PARG: variants seen among roughly 807,000 people sequenced by gnomAD.
PARG encodes the protein mitochondrial poly(ADP-ribose) glycohydrolase.
Under a neutral mutation model 113.0 loss-of-function variants are expected in PARG, and 35 were observed. The ratio of observed to expected loss-of-function variants is 0.31; its 90% CI spans 0.24 to 0.41. The LOEUF (loss-of-function observed/expected upper bound fraction) is 0.41. Ranked by LOEUF, PARG falls within the 10% of genes least tolerant of loss-of-function variation. PARG has a pLI of 1.00. For synonymous variants in PARG, 330 were observed against 409.9 expected (o/e 0.81, Z 2.36); for missense variants, 797 against 1,169.4 (o/e 0.68, Z 4.64).
chr10:49,903,537 A>G (rs1391696493), intron 7 of PARG, among the ~76,000 whole-genome samples: 1 of 152,048 alleles, frequency 6.6e-6, no homozygotes, highest in Non-Finnish European at 1.5e-5. Context: ...CCCTGGAAAA[A>G]TTGGGCCTCA....
chr10:49,917,315 C>T lies in PARG; in HGVS notation c.1663-1324G>A, dbSNP rs138927846. On this transcript the variant is annotated intron_variant, in intron 6 of 17. Transcript: ENST00000616448. ...ACCATCCTGGCCAACATGGTGAAAC[C>T]ATGTCTCTAATAAAAATACAAAAAT... Among the ~76,000 whole-genome samples the T allele has an allele frequency of 1.5e-3, 233 of 151,826 alleles. 7 individuals carry two copies. In the East Asian group the frequency reaches 0.042, roughly 27 times the overall value.
chr10:49,856,471 C>T (rs1845994263), intron 13 of PARG, among the ~76,000 whole-genome samples: 5 of 152,306 alleles, frequency 3.3e-5, no homozygotes, highest in South Asian at 4.1e-4. Context: ...TGAACTATCG[C>T]GCCTGGCCAT....
intron 13 of PARG, among the ~76,000 whole-genome samples, chr10:49,845,024 G>T (rs1845439963): frequency 6.6e-6 from 1 of 151,992 alleles, no homozygotes; most frequent in Non-Finnish European, 1.5e-5. Context: ...AGTCATCAGA[G>T]AAATGCAAAT....
chr10:49,890,002 T>C (rs149817382), intron 7 of PARG, among the ~76,000 whole-genome samples: 2 of 152,244 alleles, frequency 1.3e-5, no homozygotes, highest in South Asian at 2.1e-4. Flanking sequence ...GGGATGCAAG[T>C]AGGGAAAAGT....
rs1402734034 is a variant in PARG at position 49,869,535 on chromosome 10, G to A, written c.2009C>T (p.Ser670Leu). The A allele has an allele frequency of 3.0e-6, 4 of 1,350,734 alleles. No individual in the cohort carries two copies. Among genetic ancestry groups the A allele is most frequent in the African/African-American group, 2.9e-5 (2 of 69,656 alleles). The allele number at this position is 1,350,734 out of a possible 1,614,324, so 83.7% of individuals were successfully genotyped here. A position where few individuals can be genotyped will look rare whatever the true frequency, so the allele number is the denominator to read the frequency against. The part of the protein sequence containing the change: ...NFNRLFEGRS[S>L]RKPEKLKTLF... Reference sequence around the variant, plus strand: ...CGTTTTAAGTTTCTCCGGTTTCCTTGATGAACGTCCCTCAAACAATCTAAG... The same window carrying A: ...CGTTTTAAGTTTCTCCGGTTTCCTTAATGAACGTCCCTCAAACAATCTAAG... Residue 670 changes from serine to leucine, a missense_variant, in exon 10 of 18, where the codon TCA becomes TTA. Ser to Leu is a moderately radical substitution (Grantham distance 145, BLOSUM62 -2). Transcript: ENST00000616448.
intron 7 of PARG, among the ~76,000 whole-genome samples, chr10:49,911,080 C>T (rs190300357): frequency 3.9e-5 from 6 of 152,110 alleles, no homozygotes; most frequent in East Asian, 3.9e-4. Context: ...GTCAGGAGTT[C>T]GAGACCAGCC....
chr10:49,934,967 T>C (rs1838678178), intron 2 of PARG, 109 bp downstream of exon 2: 2 of 634,406 alleles, frequency 3.2e-6, no homozygotes, highest in Non-Finnish European at 2.9e-6. Flanking sequence ...TGAATTAACA[T>C]AGATAAAGGA....
At chr10:49,835,197 G>A (rs571360888) in intron 15 of PARG, among the ~76,000 whole-genome samples, 1 of 152,122 alleles carries the variant, frequency 6.6e-6, no homozygotes, top group Non-Finnish European at 1.5e-5. Context: ...ACTCCACAGC[G>A]AAAGGCATTA....
At chr10:49,842,108 A>C in intron 14 of PARG, 50 bp from the exon 15 acceptor site, 1 of 1,287,772 alleles carries the variant, frequency 7.8e-7, no homozygotes, top group Non-Finnish European at 1.1e-6. Context: ...GTAGTCGCTC[A>C]AATAAAATCC....
intron 9 of PARG, among the ~76,000 whole-genome samples, chr10:49,874,787 G>A (rs2132600108): frequency 6.7e-6 from 1 of 148,720 alleles, no homozygotes; most frequent in Admixed American, 6.7e-5. Flanking sequence ...CCGGGAGGTG[G>A]AGCTTGCAGT....
At chr10:49,888,564 G>C (rs1477854866) in intron 7 of PARG, among the ~76,000 whole-genome samples, 4 of 152,156 alleles carry the variant, frequency 2.6e-5, no homozygotes, top group African/African-American at 9.7e-5. Flanking sequence ...TGGTCTCCAT[G>C]TTTGCTGCTG....
chr10:49,885,365 G>C, intron 7 of PARG, 70 bp from the exon 8 acceptor site: 1 of 986,548 alleles, frequency 1.0e-6, no homozygotes. Context: ...GAATATGTTT[G>C]TTATGAAATT....
chr10:49,931,289 GA>G (rs1426157680), intron 4 of PARG, among the ~76,000 whole-genome samples: 2 of 152,030 alleles, frequency 1.3e-5, no homozygotes, highest in African/African-American at 4.8e-5. Context: ...TTTCCCAAAA[GA>G]AACCCCCTTC....
intron 16 of PARG, among the ~76,000 whole-genome samples, chr10:49,827,333 G>A (rs1238853406): frequency 3.3e-5 from 5 of 152,154 alleles, no homozygotes; most frequent in Non-Finnish European, 2.9e-5. Flanking sequence ...TAGGGAATGG[G>A]GATAGAAAAG....
At chr10:49,917,202 G>T (rs1837528015) in intron 6 of PARG, among the ~76,000 whole-genome samples, 1 of 152,098 alleles carries the variant, frequency 6.6e-6, no homozygotes, top group Non-Finnish European at 1.5e-5. Context: ...AGAAATAAGA[G>T]ATTTTAGGCT....
At chr10:49,833,743 T>C (rs1554830693) in intron 15 of PARG, among the ~76,000 whole-genome samples, 1 of 152,206 alleles carries the variant, frequency 6.6e-6, no homozygotes, top group Non-Finnish European at 1.5e-5. Flanking sequence ...TTTTCTGAAG[T>C]GATCAGACTG....
At chr10:49,937,938 G>A (rs1300507833) in intron 1 of PARG, among the ~76,000 whole-genome samples, 1 of 152,186 alleles carries the variant, frequency 6.6e-6, no homozygotes, top group Admixed American at 6.5e-5. Context: ...TTCCTTCCCA[G>A]CACACCACAG....
intron 13 of PARG, among the ~76,000 whole-genome samples, chr10:49,856,256 T>C (rs1363296785): frequency 9.2e-5 from 14 of 151,772 alleles, no homozygotes; most frequent in African/African-American, 3.1e-4. Context: ...CTCAGCTCAC[T>C]GCAACCTCTG....
intron 15 of PARG, among the ~76,000 whole-genome samples, chr10:49,835,810 C>G (rs143788234): frequency 1.8e-3 from 281 of 152,078 alleles, no homozygotes; most frequent in South Asian, 0.014. Context: ...AGCAGATAGA[C>G]AGTTACGTGC....
Sources: allele counts gnomAD v4.1 joint callset (sites outside exome capture counted in the v4.1 genomes callset), GRCh38; gene constraint gnomAD v4.1.1; transcripts MANE v1.5; gene names NCBI Gene and HGNC (gene_info 2026-07-23, HGNC 2026-07-21).